Variants in KIAA0825 observed in about 807,000 individuals in gnomAD.
KIAA0825 encodes uncharacterized protein KIAA0825.
In KIAA0825, 119 loss-of-function variants were observed where a neutral mutation model predicts 147.6. The ratio of observed to expected loss-of-function variants is 0.81; its 90% CI spans 0.69 to 0.94. KIAA0825 has a LOEUF of 0.94. Among genes scored for constraint, KIAA0825 ranks in the 40% least tolerant of loss-of-function variants. KIAA0825 has a pLI of 0.00. For missense variants in KIAA0825, 1,381 were observed against 1,472.7 expected, an observed-to-expected ratio of 0.94 and a Z score of 1.02; for synonymous variants, 470 against 518.1, an observed-to-expected ratio of 0.91 and a Z score of 1.26.
intron 19 of KIAA0825, among the ~76,000 whole-genome samples, chr5:94,384,703 G>T (rs1009098327): frequency 6.6e-6 from 1 of 152,150 alleles, no homozygotes; most frequent in African/African-American, 2.4e-5. Flanking sequence ...AATTTATTGA[G>T]TCGTTATTCT....
intron 20 of KIAA0825, among the ~76,000 whole-genome samples, chr5:94,173,276 C>T (rs968447383): frequency 2.0e-5 from 3 of 152,112 alleles, no homozygotes; most frequent in African/African-American, 7.2e-5. Context: ...TAATACTTCT[C>T]TTAATGTTAC....
At chr5:94,590,726 A>G (rs1784197676) in intron 1 of KIAA0825, among the ~76,000 whole-genome samples, 1 of 152,244 alleles carries the variant, frequency 6.6e-6, no homozygotes, top group Non-Finnish European at 1.5e-5. Flanking sequence ...AAACAATTAG[A>G]CTTACTATTC....
At chr5:94,367,251 C>T (rs1311156589) in intron 20 of KIAA0825, among the ~76,000 whole-genome samples, 2 of 152,140 alleles carry the variant, frequency 1.3e-5, no homozygotes, top group Non-Finnish European at 2.9e-5. Flanking sequence ...AATCCCAGCA[C>T]TTTGGGAGGC....
chr5:94,458,815 C>G (rs1759459726), intron 12 of KIAA0825, among the ~76,000 whole-genome samples: 1 of 151,584 alleles, frequency 6.6e-6, no homozygotes, highest in African/African-American at 2.4e-5. Context: ...ATTTTCACAA[C>G]TTTATTGAGA....
At chr5:94,442,116 T>C (rs543350749) in intron 13 of KIAA0825, among the ~76,000 whole-genome samples, 4 of 152,062 alleles carry the variant, frequency 2.6e-5, no homozygotes, top group African/African-American at 7.2e-5. Context: ...GGCAAACTTA[T>C]AGAAAAAAAA....
intron 1 of KIAA0825, among the ~76,000 whole-genome samples, chr5:94,584,138 A>G (rs1782785579): frequency 6.6e-6 from 1 of 152,210 alleles, no homozygotes. Context: ...TCTCCTCCAA[A>G]GGAACACAAC....
intron 6 of KIAA0825, among the ~76,000 whole-genome samples, chr5:94,481,728 C>A (rs1584632981): frequency 6.6e-6 from 1 of 152,150 alleles, no homozygotes; most frequent in East Asian, 1.9e-4. Flanking sequence ...TCTTAGAAGC[C>A]ATTTGACCCC....
intron 20 of KIAA0825, among the ~76,000 whole-genome samples, chr5:94,299,412 G>A (rs908990861): frequency 6.6e-6 from 1 of 150,968 alleles, no homozygotes; most frequent in Admixed American, 6.6e-5. Context: ...TAGAGATGGG[G>A]GTCTCACTGC....
intron 2 of KIAA0825, among the ~76,000 whole-genome samples, chr5:94,573,425 C>T (rs145004149): frequency 1.7e-3 from 265 of 152,172 alleles, no homozygotes; most frequent in Non-Finnish European, 3.3e-3. Context: ...CATGTGCCAC[C>T]ATGCCCAGCT....
In KIAA0825 at chr5:94,529,431, A is replaced by G. The variant is rs537893905; in HGVS notation, c.132-5333T>C. On this transcript the variant is annotated intron_variant, in intron 3 of 20. Transcript: ENST00000682413. Reference sequence around the variant, plus strand: ...TCATATATGTATATATCATATGTATATATCATATATGTATATATGTAGTGT... The same window carrying G: ...TCATATATGTATATATCATATGTATGTATCATATATGTATATATGTAGTGT... Among the ~76,000 whole-genome samples the G allele has an allele frequency of 1.2e-4, 17 of 146,520 alleles. No individual in the cohort carries two copies. In the South Asian group the frequency reaches 1.9e-3, roughly 16 times the overall value.
chr5:94,497,942 T>C (rs1480328675), intron 5 of KIAA0825, among the ~76,000 whole-genome samples: 3 of 152,192 alleles, frequency 2.0e-5, no homozygotes, highest in African/African-American at 7.2e-5. Context: ...GTTCTCAATG[T>C]TTATGGCTTC....
At position 94,188,305 on chromosome 5, in the gene KIAA0825, A is replaced by G. The variant is rs556146570; in HGVS notation, c.3711-34181T>C. Among the ~76,000 whole-genome samples, 7 of 152,350 alleles carry G rather than the reference A, an allele frequency of 4.6e-5. No individual in the cohort carries two copies. The South Asian group carries it at 6.2e-4, about 14-fold the overall frequency. On this transcript the variant is annotated intron_variant, in intron 20 of 20. Coordinates refer to ENST00000682413, the MANE Select transcript of KIAA0825 (RefSeq NM_001145678.3). ...TTATAAAGTGTTGATACTTTGAGGC[A>G]TTTATTGTAATTTGTAAGTATTTGG...
chr5:94,290,199 T>C (rs913399357), intron 20 of KIAA0825, among the ~76,000 whole-genome samples: 1 of 152,196 alleles, frequency 6.6e-6, no homozygotes, highest in Admixed American at 6.5e-5. Context: ...GTTTGTTACA[T>C]AGATATACAT....
chr5:94,198,115 A>G (rs942592523), intron 20 of KIAA0825, among the ~76,000 whole-genome samples: 3 of 152,124 alleles, frequency 2.0e-5, no homozygotes, highest in African/African-American at 7.2e-5. Context: ...ATGTTTTTCC[A>G]TGGGTTTGTG....
At chr5:94,256,659 A>T (rs918599307) in intron 20 of KIAA0825, among the ~76,000 whole-genome samples, 1 of 152,156 alleles carries the variant, frequency 6.6e-6, no homozygotes, top group Non-Finnish European at 1.5e-5. Context: ...GCCTTCTTCA[A>T]CATATGAGGA....
intron 20 of KIAA0825, among the ~76,000 whole-genome samples, chr5:94,287,736 G>T (rs536431289): frequency 6.6e-6 from 1 of 152,072 alleles, no homozygotes; most frequent in Non-Finnish European, 1.5e-5. Flanking sequence ...CCCATTCATA[G>T]AATTTCTAGA....
intron 5 of KIAA0825, 131 bp from the exon 6 acceptor site, chr5:94,485,061 A>C: frequency 3.9e-6 from 2 of 508,090 alleles, no homozygotes; most frequent in Non-Finnish European, 6.3e-6. Context: ...AAATTAGTTC[A>C]TTAAGAAATA....
rs968997535 is a variant in KIAA0825 at position 94,471,793 on chromosome 5, G to C, written c.1456-62C>G. On this transcript the variant is annotated intron_variant, in intron 8 of 20. Transcript: ENST00000682413. ...TTCTGACAGCACCAAGTAATTTATG[G>C]ACAGTGGAGCCAAATTCCTAAATAA... 4.1e-6 allele frequency: 6 copies of C among 1,453,576 alleles called. No homozygotes were observed. In the African/African-American group the frequency reaches 8.5e-5, roughly 21 times the overall value. 90.0% of individuals were successfully genotyped at this position (1,453,576 alleles called of 1,614,324 possible). A position where few individuals can be genotyped will look rare whatever the true frequency, so the allele number is the denominator to read the frequency against.
At chr5:94,295,862 C>T (rs1475334934) in intron 20 of KIAA0825, among the ~76,000 whole-genome samples, 2 of 152,110 alleles carry the variant, frequency 1.3e-5, no homozygotes, top group Non-Finnish European at 2.9e-5. Flanking sequence ...GTCTGTTTAC[C>T]CCTGCTGGGA....
Sources: allele counts gnomAD v4.1 joint callset (sites outside exome capture counted in the v4.1 genomes callset), GRCh38; gene constraint gnomAD v4.1.1; transcripts MANE v1.5; gene names NCBI Gene and HGNC (gene_info 2026-07-23, HGNC 2026-07-21).